Variants in LRRC4C observed in about 807,000 individuals in gnomAD.
The protein encoded by LRRC4C is leucine rich repeat containing 4C.
A neutral mutation model predicts 33.6 loss-of-function variants in LRRC4C; 5 were observed. That is an observed-to-expected ratio of 0.15 (90% CI 0.08 to 0.31). The LOEUF is 0.31. LRRC4C is among the 10% of genes least tolerant of loss of function. The pLI is 1.00. For missense variants in LRRC4C, 560 were observed against 796.7 expected, an observed-to-expected ratio of 0.70 and a Z score of 3.58; for synonymous variants, 329 against 302.0, an observed-to-expected ratio of 1.09 and a Z score of -0.93.
chr11:41,347,247 T>C (rs549936260), intron 1 of LRRC4C, among the ~76,000 whole-genome samples: 10 of 152,262 alleles, frequency 6.6e-5, no homozygotes, highest in African/African-American at 2.4e-4. Flanking sequence ...TCATAATGAA[T>C]AGATTTTTAA....
At chr11:40,444,711 A>T (rs757017113) in intron 3 of LRRC4C, among the ~76,000 whole-genome samples, 13 of 152,082 alleles carry the variant, frequency 8.5e-5, no homozygotes, top group Non-Finnish European at 1.6e-4. Context: ...TTGTTTTTTA[A>T]TAAACTAAAT....
chr11:40,114,554 G>T lies in LRRC4C; in HGVS notation c.1739C>A (p.Pro580His), dbSNP rs757812600. The T allele has an allele frequency of 6.2e-7, 1 of 1,614,060 alleles. No individual in the cohort carries two copies. The highest frequency in any genetic ancestry group is 1.7e-5 in the Admixed American group (1 of 59,988). ...AGGCATGGGCAGGTGGCTTTCCATGGGTGTGTCTCCCGTAATCTCATCATC... is the reference window on the plus strand; with the variant it reads ...AGGCATGGGCAGGTGGCTTTCCATGTGTGTGTCTCCCGTAATCTCATCATC... ...NVDDEITGDT[P>H]MESHLPMPAI... is the part of the protein sequence containing the mutation. The change falls in exon 7 of 7, where the codon CCC becomes CAC. Residue 580 changes from proline (P) to histidine (H), a missense_variant. Pro to His is a moderately conservative substitution (Grantham distance 77). Around this residue, in one of 3 missense-constraint regions of LRRC4C, gnomAD observed 103 missense variants for 132.1 expected, o/e 0.78. Coordinates refer to ENST00000528697, the MANE Select transcript of LRRC4C (RefSeq NM_001258419.2).
At chr11:40,606,575 AG>A (rs1238380114) in intron 3 of LRRC4C, among the ~76,000 whole-genome samples, 1 of 152,184 alleles carries the variant, frequency 6.6e-6, no homozygotes, top group Non-Finnish European at 1.5e-5. Flanking sequence ...CCTAAAAAAA[AG>A]AGGTATGTAA....
chr11:40,949,253 A>G (rs931562034), intron 1 of LRRC4C, among the ~76,000 whole-genome samples: 2 of 152,150 alleles, frequency 1.3e-5, no homozygotes, highest in African/African-American at 4.8e-5. Context: ...AGTTCATTGT[A>G]GATTCTGGAC....
At chr11:40,274,246 G>T (rs113311654) in intron 4 of LRRC4C, among the ~76,000 whole-genome samples, 1 of 151,964 alleles carries the variant, frequency 6.6e-6, no homozygotes, top group African/African-American at 2.4e-5. Context: ...AGGAGATTCC[G>T]GAGGGGAGGG....
chr11:41,171,465 G>C (rs1367639415), intron 1 of LRRC4C, among the ~76,000 whole-genome samples: 1 of 151,912 alleles, frequency 6.6e-6, no homozygotes, highest in African/African-American at 2.4e-5. Flanking sequence ...CATGGATGAA[G>C]CTGGAAACCA....
chr11:41,099,360 C>A (rs568380698), intron 1 of LRRC4C, among the ~76,000 whole-genome samples: 2 of 149,502 alleles, frequency 1.3e-5, no homozygotes, highest in African/African-American at 2.5e-5. Flanking sequence ...ATCCTGATAC[C>A]AAAACCTGGC....
intron 2 of LRRC4C, among the ~76,000 whole-genome samples, chr11:40,901,076 TA>T (rs766748636): frequency 2.6e-5 from 4 of 152,204 alleles, no homozygotes; most frequent in Non-Finnish European, 4.4e-5. Context: ...TTCTTTTATG[TA>T]AAAATGTCTC....
chr11:40,183,041 T>G (rs998158080), intron 5 of LRRC4C, among the ~76,000 whole-genome samples: 17 of 152,182 alleles, frequency 1.1e-4, no homozygotes, highest in Admixed American at 7.9e-4. Flanking sequence ...ACCTGAGCTA[T>G]TAACCACTAC....
intron 1 of LRRC4C, among the ~76,000 whole-genome samples, chr11:41,218,145 A>G (rs1344055805): frequency 6.6e-6 from 1 of 152,178 alleles, no homozygotes; most frequent in Non-Finnish European, 1.5e-5. Flanking sequence ...TCACCAAAAA[A>G]AAAAAAAAAC....
chr11:40,849,677 TG>T (rs1250715135), intron 2 of LRRC4C, among the ~76,000 whole-genome samples: 1 of 152,140 alleles, frequency 6.6e-6, no homozygotes, highest in Non-Finnish European at 1.5e-5. Context: ...AGAATTTGAA[TG>T]TTGGCCTGTC....
In LRRC4C at chr11:41,448,122, G is replaced by GGTTTTTTTTTTTTTTTTTTTTT. The variant is rs1554934483; in HGVS notation, c.-496+11308_-496+11309insAAAAAAAAAAAAAAAAAAAAAC. Among the ~76,000 whole-genome samples, 147 of 46,910 alleles carry GGTTTTTTTTTTTTTTTTTTTTT rather than the reference G, an allele frequency of 3.1e-3. 13 individuals carry two copies. The highest frequency in any genetic ancestry group is 0.042 in the Middle Eastern group (2 of 48). 30.8% of individuals were successfully genotyped at this position (46,910 alleles called of 152,430 possible). On this transcript the variant is annotated intron_variant, in intron 1 of 6. Coordinates refer to ENST00000528697, the MANE Select transcript of LRRC4C (RefSeq NM_001258419.2). Reference sequence around the variant, plus strand: ...ACAAACGAGGCTGCTGCACACGTCTGTTTTTTTTTTTTTTTTTTTTGGAGC... The same window carrying GGTTTTTTTTTTTTTTTTTTTTT: ...ACAAACGAGGCTGCTGCACACGTCTGGTTTTTTTTTTTTTTTTTTTTTTTTTTTTTTTTTTTTTTTTTGGAGC...
intron 2 of LRRC4C, among the ~76,000 whole-genome samples, chr11:40,703,910 A>G (rs1214296164): frequency 2.6e-5 from 4 of 152,204 alleles, no homozygotes. Flanking sequence ...TAATAAAAAG[A>G]TTAAGTCATT....
intron 2 of LRRC4C, among the ~76,000 whole-genome samples, chr11:40,796,481 T>C (rs1950830702): frequency 6.6e-6 from 1 of 152,046 alleles, no homozygotes; most frequent in African/African-American, 2.4e-5. Flanking sequence ...CATAGAGTAT[T>C]TGCTTGATGG....
At chr11:40,319,766 A>G (rs922960670) in intron 3 of LRRC4C, 45 bp from the exon 4 acceptor site, 1 of 152,208 alleles carries the variant, frequency 6.6e-6, no homozygotes, top group Non-Finnish European at 1.5e-5. Flanking sequence ...ATCATGCTAT[A>G]CAAGTGAAAA....
chr11:40,121,946 A>C (rs1323216157), intron 6 of LRRC4C, among the ~76,000 whole-genome samples: 2 of 152,026 alleles, frequency 1.3e-5, no homozygotes, highest in African/African-American at 2.4e-5. Context: ...TCCAAACCAC[A>C]CCTTACCATC....
At chr11:40,970,589 C>G (rs545870367) in intron 1 of LRRC4C, among the ~76,000 whole-genome samples, 8 of 152,232 alleles carry the variant, frequency 5.3e-5, no homozygotes, top group Admixed American at 3.3e-4. Context: ...AGGGACATTG[C>G]TATAAAGATA....
intron 4 of LRRC4C, among the ~76,000 whole-genome samples, chr11:40,306,993 T>C (rs1205701140): frequency 4.4e-4 from 3 of 6,892 alleles, no homozygotes; most frequent in African/African-American, 5.0e-4. Flanking sequence ...TAGATATCTA[T>C]GTATCTATGT....
chr11:41,081,685 C>T (rs150159064), intron 1 of LRRC4C, among the ~76,000 whole-genome samples: 13 of 151,996 alleles, frequency 8.6e-5, no homozygotes, highest in Admixed American at 3.3e-4. Flanking sequence ...ACTATTCCTA[C>T]GCAGAATAAA....
Sources: allele counts gnomAD v4.1 joint callset (sites outside exome capture counted in the v4.1 genomes callset), GRCh38; gene constraint gnomAD v4.1.1; regional missense constraint gnomAD v4.1.1; transcripts MANE v1.5; gene names NCBI Gene and HGNC (gene_info 2026-07-23, HGNC 2026-07-21).